CHID1: variants seen among roughly 807,000 people sequenced by gnomAD.
CHID1 encodes the protein chitinase domain containing 1, also known as chitinase domain-containing protein 1.
In CHID1, 44 loss-of-function variants were observed where a neutral mutation model predicts 55.4. The ratio of observed to expected loss-of-function variants is 0.79; its 90% CI spans 0.62 to 1.02. The LOEUF is 1.02. Ranked by LOEUF, CHID1 falls within the 50% of genes least tolerant of loss-of-function variation. The pLI is 0.00. For synonymous variants in CHID1, 216 were observed against 212.9 expected (o/e 1.01, Z -0.13); for missense variants, 491 against 515.3 (o/e 0.95, Z 0.46).
intron 9 of CHID1, among the ~76,000 whole-genome samples, chr11:883,577 G>A (rs910899022): frequency 6.6e-6 from 1 of 152,190 alleles, no homozygotes; most frequent in African/African-American, 2.4e-5. Context: ...CATCAGAAAG[G>A]GCTGTCAGCA....
chr11:888,883 G>A (rs911897491), intron 8 of CHID1, among the ~76,000 whole-genome samples: 2 of 151,846 alleles, frequency 1.3e-5, no homozygotes, highest in Non-Finnish European at 2.9e-5. Context: ...CCACACCAAC[G>A]CCAGTGCCTG....
At chr11:885,673 G>A (rs1000859518) in intron 8 of CHID1, among the ~76,000 whole-genome samples, 7 of 151,820 alleles carry the variant, frequency 4.6e-5, no homozygotes, top group Admixed American at 1.3e-4. Context: ...TTCCTGCCCT[G>A]CAACCTCCCT....
At chr11:874,081 G>C (rs2134117092) in intron 10 of CHID1, among the ~76,000 whole-genome samples, 1 of 152,316 alleles carries the variant, frequency 6.6e-6, no homozygotes, top group East Asian at 1.9e-4. Context: ...AACTTTTGGA[G>C]AAAGGGCTGC....
chr11:880,440 CAG>C (rs1041960097), intron 10 of CHID1, among the ~76,000 whole-genome samples: 5 of 152,172 alleles, frequency 3.3e-5, no homozygotes, highest in Admixed American at 6.5e-5. Context: ...GCCGTGTGGA[CAG>C]AGAGGAGTGT....
At position 891,960 on chromosome 11, in the gene CHID1, A is replaced by ACC. The variant is rs1565184215; in HGVS notation, c.701+1466_701+1467insGG. On this transcript the variant is annotated intron_variant, in intron 8 of 12. Coordinates refer to ENST00000323578, the MANE Select transcript of CHID1 (RefSeq NM_023947.4). ...TTCCAAAAAAAAAAAAAAAAAAAAA[A>ACC]CACAAATTAACTGGGTGTGGTGACA... Among the ~76,000 whole-genome samples, 13 of 137,120 alleles carry ACC rather than the reference A, an allele frequency of 9.5e-5. No homozygotes were observed. The South Asian group carries it at 1.7e-3, about 18-fold the overall frequency. The allele number at this position is 137,120 out of a possible 152,430, so 90.0% of individuals were successfully genotyped here.
chr11:887,265 C>T (rs924747721), intron 8 of CHID1, among the ~76,000 whole-genome samples: 4 of 152,278 alleles, frequency 2.6e-5, no homozygotes, highest in Admixed American at 6.5e-5. Flanking sequence ...TGGGCTCAAG[C>T]GATCCTCCTG....
At chr11:889,241 G>A (rs770748214) in intron 8 of CHID1, among the ~76,000 whole-genome samples, 3 of 152,122 alleles carry the variant, frequency 2.0e-5, no homozygotes, top group Non-Finnish European at 4.4e-5. Flanking sequence ...CGTCCCTCCA[G>A]CACAGCACGA....
intron 10 of CHID1, among the ~76,000 whole-genome samples, chr11:877,297 T>C (rs1849582698): frequency 6.6e-6 from 1 of 152,130 alleles, no homozygotes; most frequent in African/African-American, 2.4e-5. Flanking sequence ...GGAGACAGGG[T>C]CTTGCTCTGG....
At chr11:881,591 CGGGCGGT>C (rs2134163228) in intron 10 of CHID1, among the ~76,000 whole-genome samples, 1 of 21,842 alleles carries the variant, frequency 4.6e-5, no homozygotes, top group East Asian at 2.0e-3. Context: ...AGGACCACGT[CGGGCGGT>C]AGGTTGGGTG....
In CHID1 at chr11:875,958, C is replaced by A. The variant is rs1446819415; in HGVS notation, c.960-5459G>T. On this transcript the variant is annotated intron_variant, in intron 10 of 12. Coordinates refer to ENST00000323578, the MANE Select transcript of CHID1 (RefSeq NM_023947.4). This position sits in a 1 kb window ranked among gnomAD's most constrained non-coding sequence, Gnocchi z 4.7. ...ATGACTGGCTGGTGTGGGTGGCAGG[C>A]GCCGCATTGCTTGGCGGTGCACGTG... is the stretch of plus-strand genomic sequence containing the variant. Among the ~76,000 whole-genome samples, 3 of 151,982 alleles carry A rather than the reference C, an allele frequency of 2.0e-5. No homozygotes were observed. The highest frequency in any genetic ancestry group is 4.4e-5 in the Non-Finnish European group (3 of 68,012).
At chr11:870,262 G>A in intron 11 of CHID1, 99 bp from the exon 12 acceptor site, 2 of 1,518,814 alleles carry the variant, frequency 1.3e-6, no homozygotes, top group Non-Finnish European at 1.8e-6. Flanking sequence ...CCACCCACCA[G>A]GTGGCCACCT....
chr11:899,308 A>AG (rs1304253614), intron 7 of CHID1, 32 bp downstream of exon 7: 1 of 1,575,842 alleles, frequency 6.3e-7, no homozygotes, highest in South Asian at 1.2e-5. Flanking sequence ...GGCCAGGAGG[A>AG]GGGCCACCCA....
At chr11:909,649 CCAAT>C (rs764221058) in intron 1 of CHID1, among the ~76,000 whole-genome samples, 42 of 152,300 alleles carry the variant, frequency 2.8e-4, no homozygotes, top group Non-Finnish European at 5.0e-4. Context: ...GCGACAGCAG[CCAAT>C]CAGAGCTAAC....
At chr11:899,252 C>T in intron 7 of CHID1, 88 bp downstream of exon 7, 1 of 1,327,468 alleles carries the variant, frequency 7.5e-7, no homozygotes, top group Non-Finnish European at 1.1e-6. Context: ...GAAGGAAGGC[C>T]CTCCCCAAAC....
chr11:878,384 AGC>A (rs1332468684), intron 10 of CHID1, among the ~76,000 whole-genome samples: 2 of 152,066 alleles, frequency 1.3e-5, no homozygotes, highest in African/African-American at 4.8e-5. Context: ...ACTGCACTCC[AGC>A]CTGGGGACTC....
chr11:906,378 A>G (rs568799568), intron 1 of CHID1, among the ~76,000 whole-genome samples: 14 of 151,894 alleles, frequency 9.2e-5, no homozygotes, highest in Admixed American at 2.6e-4. Context: ...AGCTGGGATT[A>G]TAGGCGCGTG....
intron 7 of CHID1, among the ~76,000 whole-genome samples, chr11:894,653 G>A (rs2134258122): frequency 6.6e-6 from 1 of 152,192 alleles, no homozygotes; most frequent in East Asian, 1.9e-4. Context: ...ATGACAGGAG[G>A]ACTGAGAGTG....
chr11:871,672 C>T (rs1849183985), intron 10 of CHID1, among the ~76,000 whole-genome samples: 1 of 152,222 alleles, frequency 6.6e-6, no homozygotes, highest in Non-Finnish European at 1.5e-5. Flanking sequence ...GGCGTGGGGC[C>T]TACAGCCCGG....
At position 868,051 on chromosome 11, in the gene CHID1, AGCCC is replaced by A. The variant is rs1848969428; in HGVS notation, c.*1803_*1806del. On this transcript the variant is annotated 3_prime_UTR_variant, in exon 13 of 13. Transcript: ENST00000323578. Reference sequence around the variant, plus strand: ...CTCTGCCCATCCCCCCGGGAGACACAGCCCGCTCTAGACATCCCATCCTGTGTGG... The same window carrying A: ...CTCTGCCCATCCCCCCGGGAGACACAGCTCTAGACATCCCATCCTGTGTGG... The A allele has an allele frequency of 6.6e-6, 1 of 151,040 alleles. No individual in the cohort carries two copies. The highest frequency in any genetic ancestry group is 1.5e-5 in the Non-Finnish European group (1 of 67,750). 9.4% of individuals were successfully genotyped at this position (151,040 alleles called of 1,614,324 possible).
Sources: allele counts gnomAD v4.1 joint callset (sites outside exome capture counted in the v4.1 genomes callset), GRCh38; gene constraint gnomAD v4.1.1; non-coding constraint Gnocchi (gnomAD v3.1); transcripts MANE v1.5; gene names NCBI Gene and HGNC (gene_info 2026-07-23, HGNC 2026-07-21).